ANO2: variants seen among roughly 807,000 people sequenced by gnomAD.
ANO2 encodes anoctamin 2, also known as anoctamin-2.
A neutral mutation model predicts 124.2 loss-of-function variants in ANO2; 101 were observed. That is an observed-to-expected ratio of 0.81 (90% CI 0.69 to 0.96). The LOEUF is 0.96. Among genes scored for constraint, ANO2 ranks in the 40% least tolerant of loss-of-function variants. The pLI, the probability that ANO2 is intolerant of heterozygous loss-of-function variation, is 0.00. For synonymous variants in ANO2, 486 were observed against 482.5 expected, an observed-to-expected ratio of 1.01 and a Z score of -0.09; for missense variants, 1,293 against 1,274.5, an observed-to-expected ratio of 1.01 and a Z score of -0.22.
chr12:5,788,278 C>T (rs748736140), intron 10 of ANO2, among the ~76,000 whole-genome samples: 1 of 152,210 alleles, frequency 6.6e-6, no homozygotes, highest in Non-Finnish European at 1.5e-5. Flanking sequence ...GAACACAATA[C>T]AGAAATGACC....
At chr12:5,788,831 T>C (rs1952616710) in intron 10 of ANO2, among the ~76,000 whole-genome samples, 1 of 152,214 alleles carries the variant, frequency 6.6e-6, no homozygotes, top group African/African-American at 2.4e-5. Flanking sequence ...AGTGCTGGGA[T>C]TACAGGCGTG....
chr12:5,907,208 A>C (rs147919301), intron 3 of ANO2, among the ~76,000 whole-genome samples: 1 of 152,334 alleles, frequency 6.6e-6, no homozygotes, highest in Non-Finnish European at 1.5e-5. Flanking sequence ...CTATTTTTAT[A>C]ATTATTGTCT....
chr12:5,635,125 C>G lies in ANO2; in HGVS notation c.1816+27G>C. On this transcript the variant is annotated intron_variant, in intron 16 of 24. Transcript: ENST00000682330. This position sits in a 1 kb window ranked among gnomAD's most constrained non-coding sequence, Gnocchi z 5.2. ...GCATTGACTTAAAGAGGGCCTAGGACAGCCAGAAGTCTCGGTGACACAGTA... is the reference window on the plus strand; with the variant it reads ...GCATTGACTTAAAGAGGGCCTAGGAGAGCCAGAAGTCTCGGTGACACAGTA... The G allele has an allele frequency of 4.6e-6, 7 of 1,536,124 alleles. No homozygotes were observed. In the South Asian group the frequency reaches 5.3e-5, roughly 12 times the overall value.
intron 12 of ANO2, among the ~76,000 whole-genome samples, chr12:5,740,736 G>A (rs1591552647): frequency 6.6e-6 from 1 of 152,140 alleles, no homozygotes. Flanking sequence ...AACACTACCT[G>A]CCTACATGTT....
chr12:5,774,793 A>T (rs746620053), intron 10 of ANO2, among the ~76,000 whole-genome samples: 2 of 152,088 alleles, frequency 1.3e-5, no homozygotes, highest in Non-Finnish European at 2.9e-5. Flanking sequence ...TCCATGTGAA[A>T]TTTCAACTGA....
intron 4 of ANO2, among the ~76,000 whole-genome samples, chr12:5,846,717 C>T (rs955802157): frequency 1.3e-5 from 2 of 152,320 alleles, no homozygotes; most frequent in Admixed American, 1.3e-4. Context: ...TAACTCCAGT[C>T]TCTGCCTTCT....
At position 5,925,412 on chromosome 12, in the gene ANO2, TCTC is replaced by T. The variant is rs1942036833; in HGVS notation, c.23-2611_23-2609del. On this transcript the variant is annotated intron_variant, in intron 1 of 24. Transcript: ENST00000682330. The surrounding 1 kb of genome is among the most constrained non-coding windows in gnomAD (Gnocchi z 4.6). ...CTGCCTGGGAACTCTGCTTCCCTTC[TCTC>T]CCTCTCCCCACAAGTGATTAGAGCA... is the stretch of plus-strand genomic sequence containing the variant. Among the ~76,000 whole-genome samples, 1 of 152,016 alleles carries T rather than the reference TCTC, an allele frequency of 6.6e-6. No homozygotes were observed. Among genetic ancestry groups the T allele is most frequent in the Non-Finnish European group, 1.5e-5 (1 of 68,004 alleles).
At chr12:5,688,810 CTTTT>C (rs36091783) in intron 14 of ANO2, among the ~76,000 whole-genome samples, 2 of 119,382 alleles carry the variant, frequency 1.7e-5, no homozygotes, top group African/African-American at 3.1e-5. Context: ...TGGGAGTATC[CTTTT>C]TTTTTTTTTT....
At chr12:5,681,925 C>T (rs1243882789) in intron 14 of ANO2, among the ~76,000 whole-genome samples, 1 of 152,186 alleles carries the variant, frequency 6.6e-6, no homozygotes, top group African/African-American at 2.4e-5. Flanking sequence ...AGAACAGATT[C>T]TGCTGGAAAA....
At chr12:5,750,510 G>GGAGA (rs918473204) in intron 11 of ANO2, among the ~76,000 whole-genome samples, 1 of 152,162 alleles carries the variant, frequency 6.6e-6, no homozygotes, top group African/African-American at 2.4e-5. Flanking sequence ...GTGATGAAGT[G>GGAGA]GAGAGAGAGA....
intron 14 of ANO2, among the ~76,000 whole-genome samples, chr12:5,675,667 A>G (rs1409297834): frequency 2.0e-5 from 3 of 152,172 alleles, no homozygotes; most frequent in African/African-American, 7.2e-5. Flanking sequence ...TAAGGTTGGG[A>G]TACAGGATAA....
chr12:5,672,737 A>G (rs986640557), intron 14 of ANO2, among the ~76,000 whole-genome samples: 5 of 152,236 alleles, frequency 3.3e-5, no homozygotes, highest in Non-Finnish European at 7.3e-5. Context: ...ACTGAGGAAT[A>G]TCATCCACCC....
intron 1 of ANO2, among the ~76,000 whole-genome samples, chr12:5,931,308 G>A (rs1297460437): frequency 6.6e-6 from 1 of 152,088 alleles, no homozygotes; most frequent in African/African-American, 2.4e-5. Context: ...CACAGCAAAT[G>A]ACCATTCTTT....
At chr12:5,865,284 T>C (rs1955385324) in intron 3 of ANO2, among the ~76,000 whole-genome samples, 1 of 152,138 alleles carries the variant, frequency 6.6e-6, no homozygotes. Context: ...TAAGCCATCA[T>C]GCCATCACAC....
At chr12:5,770,921 C>T (rs1252880301) in intron 10 of ANO2, among the ~76,000 whole-genome samples, 1 of 152,194 alleles carries the variant, frequency 6.6e-6, no homozygotes, top group Non-Finnish European at 1.5e-5. Flanking sequence ...CACTCCCCTA[C>T]CTCCTCCATC....
At chr12:5,589,217 T>C (rs574733026) in intron 20 of ANO2, among the ~76,000 whole-genome samples, 77 of 152,296 alleles carry the variant, frequency 5.1e-4, no homozygotes, top group Middle Eastern at 3.4e-3. Flanking sequence ...GCTGCGATCT[T>C]TGAACTGCAT....
At chr12:5,589,970 C>A (rs186984077) in intron 20 of ANO2, among the ~76,000 whole-genome samples, 75 of 152,164 alleles carry the variant, frequency 4.9e-4, no homozygotes, top group Non-Finnish European at 5.1e-4. Context: ...CAACACTACA[C>A]CTCGGAAGGA....
intron 14 of ANO2, among the ~76,000 whole-genome samples, chr12:5,721,283 G>C (rs1038229431): frequency 6.6e-6 from 1 of 152,192 alleles, no homozygotes; most frequent in South Asian, 2.1e-4. Context: ...AGGCCCAAGA[G>C]AGAAGTCCGT....
At chr12:5,638,375 A>G (rs534392510) in intron 15 of ANO2, among the ~76,000 whole-genome samples, 1 of 148,736 alleles carries the variant, frequency 6.7e-6, no homozygotes, top group East Asian at 2.1e-4. Context: ...AGCTGGGGCT[A>G]CAGGCACCTG....
Sources: gnomAD v4.1 joint callset for allele counts (sites outside exome capture counted in the v4.1 genomes callset) on GRCh38, gnomAD v4.1.1 for gene constraint, Gnocchi (gnomAD v3.1) non-coding constraint, MANE v1.5 for transcripts, NCBI Gene and HGNC (gene_info 2026-07-23, HGNC 2026-07-21) for gene names.